The following DOCK9 variants were observed in gnomAD, a reference collection of about 807,000 sequenced individuals.
DOCK9 encodes the protein dedicator of cytokinesis protein 9.
Under a neutral mutation model 263.3 loss-of-function variants are expected in DOCK9, and 89 were observed. That is an observed-to-expected ratio of 0.34 (90% CI 0.28 to 0.40). The LOEUF (loss-of-function observed/expected upper bound fraction) is 0.40. Ranked by LOEUF, DOCK9 falls within the 10% of genes least tolerant of loss-of-function variation. The probability of loss-of-function intolerance (pLI) is 1.00; values close to 1 mark genes in which losing one functional copy is unlikely to be tolerated. For missense variants in DOCK9, 2,140 were observed against 2,603.4 expected (o/e 0.82, Z 3.87); for synonymous variants, 976 against 973.1 (o/e 1.00, Z -0.06).
intron 1 of DOCK9, among the ~76,000 whole-genome samples, chr13:99,031,968 T>C (rs1887388076): frequency 6.6e-6 from 1 of 152,334 alleles, no homozygotes; most frequent in East Asian, 1.9e-4. Context: ...TGGGAAGATA[T>C]GCTTCTTGAT....
intron 1 of DOCK9, among the ~76,000 whole-genome samples, chr13:99,044,966 C>A (rs538436139): frequency 6.4e-4 from 97 of 152,296 alleles, no homozygotes; most frequent in African/African-American, 2.2e-3. Flanking sequence ...CACCCACAAA[C>A]CATTCAGTGG....
At chr13:98,940,284 AG>A (rs1187237811) in intron 2 of DOCK9, among the ~76,000 whole-genome samples, 2 of 152,246 alleles carry the variant, frequency 1.3e-5, no homozygotes, top group Admixed American at 6.5e-5. Flanking sequence ...AATTAAGAAA[AG>A]GAGCAAAGCA....
At chr13:98,985,341 G>A (rs371863629) in intron 1 of DOCK9, among the ~76,000 whole-genome samples, 1 of 146,914 alleles carries the variant, frequency 6.8e-6, no homozygotes, top group South Asian at 2.1e-4. Context: ...TTTTTCCATA[G>A]GCTCTATCAC....
In DOCK9 at chr13:98,955,677, A is replaced by G; in HGVS notation, c.127-126T>C. ...ATTAGAGTATGCTAGTTTTGGTATC[A>G]CAAAGAAACAGAAATAAGAGTTGTT... On this transcript the variant is annotated intron_variant, in intron 1 of 52. Transcript: ENST00000682017. 6 of 639,076 alleles carry G rather than the reference A, an allele frequency of 9.4e-6. No individual in the cohort carries two copies. The South Asian group carries it at 1.4e-4, about 15-fold the overall frequency. 39.6% of individuals were successfully genotyped at this position (639,076 alleles called of 1,614,324 possible).
chr13:98,934,818 A>C (rs1343784533), intron 2 of DOCK9, among the ~76,000 whole-genome samples: 1 of 152,220 alleles, frequency 6.6e-6, no homozygotes, highest in Non-Finnish European at 1.5e-5. Flanking sequence ...TCTACTGATC[A>C]TTTAAGGACT....
At chr13:99,077,644 T>C (rs1434680584) in intron 1 of DOCK9, among the ~76,000 whole-genome samples, 1 of 152,204 alleles carries the variant, frequency 6.6e-6, no homozygotes, top group East Asian at 1.9e-4. Context: ...GGAAAGGGGA[T>C]GCCAGGTTGC....
At chr13:98,997,879 A>G (rs1881411460) in intron 1 of DOCK9, among the ~76,000 whole-genome samples, 1 of 152,194 alleles carries the variant, frequency 6.6e-6, no homozygotes, top group African/African-American at 2.4e-5. Context: ...TGTTCTGCCA[A>G]AGTGTGGCAC....
At chr13:98,979,242 G>GGCGGCGGCAGCAGCAGCA (rs55651915), upstream of DOCK9, among the ~76,000 whole-genome samples, 1 of 136,176 alleles carries the variant, frequency 7.3e-6, no homozygotes, top group East Asian at 2.2e-4. Flanking sequence ...CAGCAGCGGC[G>GGCGGCGGCAGCAGCAGCA]GCAGCAGCAG....
intron 15 of DOCK9, among the ~76,000 whole-genome samples, chr13:98,896,863 C>T (rs1371050024): frequency 2.0e-5 from 3 of 152,142 alleles, no homozygotes. Flanking sequence ...ATAAATGTGA[C>T]CTATTTGGAA....
intron 1 of DOCK9, among the ~76,000 whole-genome samples, chr13:98,993,518 TAAAG>T (rs1880297252): frequency 6.6e-6 from 1 of 152,098 alleles, no homozygotes; most frequent in Admixed American, 6.6e-5. Context: ...CAAACCATGA[TAAAG>T]AAAGGAAAGA....
intron 1 of DOCK9, among the ~76,000 whole-genome samples, chr13:98,993,485 T>G (rs945646306): frequency 1.6e-4 from 25 of 152,194 alleles, no homozygotes; most frequent in African/African-American, 5.6e-4. Context: ...GTGGCTGTCT[T>G]GGAGAGAAGC....
intron 1 of DOCK9, among the ~76,000 whole-genome samples, chr13:98,992,401 C>T (rs905730249): frequency 4.6e-5 from 7 of 152,172 alleles, no homozygotes; most frequent in African/African-American, 1.7e-4. Context: ...CCATGAGCCT[C>T]CCCTCCCAGC....
chr13:99,062,087 G>C (rs1286792727), intron 1 of DOCK9, among the ~76,000 whole-genome samples: 2 of 151,996 alleles, frequency 1.3e-5, no homozygotes, highest in Non-Finnish European at 2.9e-5. Flanking sequence ...GCTTAGGCTG[G>C]TCTCGAACTC....
chr13:99,063,357 G>A (rs1461751062), intron 1 of DOCK9, among the ~76,000 whole-genome samples: 3 of 152,228 alleles, frequency 2.0e-5, no homozygotes, highest in African/African-American at 7.2e-5. Context: ...AGGCCTCACC[G>A]AGCAGAGAAT....
intron 1 of DOCK9, chr13:98,959,352 G>A (rs180769194): frequency 3.3e-5 from 5 of 152,318 alleles, no homozygotes; most frequent in African/African-American, 4.8e-5. Context: ...TCTTATGGAG[G>A]ATTAACATGA....
intron 5 of DOCK9, 57 bp downstream of exon 5, chr13:98,923,245 A>G (rs2052366287): frequency 1.3e-6 from 2 of 1,521,838 alleles, no homozygotes; most frequent in Non-Finnish European, 1.8e-6. Flanking sequence ...CTAAGTCTGT[A>G]AAATTGATGT....
chr13:99,066,541 T>A (rs2041426099), intron 1 of DOCK9, among the ~76,000 whole-genome samples: 1 of 152,198 alleles, frequency 6.6e-6, no homozygotes, highest in African/African-American at 2.4e-5. Context: ...TATGTTAATA[T>A]ACTATATTAT....
intron 33 of DOCK9, 25 bp downstream of exon 33, chr13:98,860,380 A>G (rs2093825448): frequency 1.9e-6 from 3 of 1,560,402 alleles, no homozygotes; most frequent in Non-Finnish European, 1.7e-6. Flanking sequence ...GGTGGAGAGA[A>G]GCCCACAAGA....
At chr13:98,869,299 A>G (rs569219759) in intron 27 of DOCK9, among the ~76,000 whole-genome samples, 117 of 152,352 alleles carry the variant, frequency 7.7e-4, no homozygotes, top group African/African-American at 2.6e-3. Context: ...ACATATTTGT[A>G]TGTACTTTTT....
Sources: allele counts gnomAD v4.1 joint callset (sites outside exome capture counted in the v4.1 genomes callset), GRCh38; gene constraint gnomAD v4.1.1; transcripts MANE v1.5; gene names NCBI Gene and HGNC (gene_info 2026-07-23, HGNC 2026-07-21).